Variants in ANKS1B observed in about 807,000 individuals in gnomAD.
ANKS1B encodes the protein ankyrin repeat and sterile alpha motif domain-containing protein 1B.
ANKS1B carries 36 observed loss-of-function variants against 148.3 expected under a neutral mutation model. The observed-to-expected ratio is 0.24, with a 90% CI of 0.19 to 0.32. ANKS1B has a LOEUF of 0.32. Ranked by LOEUF, ANKS1B falls within the 10% of genes least tolerant of loss-of-function variation. The pLI is 1.00. For missense variants in ANKS1B, 1,157 were observed against 1,542.6 expected, an observed-to-expected ratio of 0.75 and a Z score of 4.19; for synonymous variants, 542 against 560.8, an observed-to-expected ratio of 0.97 and a Z score of 0.47.
intron 16 of ANKS1B, among the ~76,000 whole-genome samples, chr12:99,078,740 TA>T (rs1305237261): frequency 4.6e-5 from 7 of 150,820 alleles, no homozygotes; most frequent in African/African-American, 1.7e-4. Context: ...TTCTAAGATG[TA>T]CCCCACCCTG....
chr12:99,470,171 A>C (rs909571451), intron 10 of ANKS1B, among the ~76,000 whole-genome samples: 3 of 151,918 alleles, frequency 2.0e-5, no homozygotes, highest in South Asian at 4.1e-4. Flanking sequence ...AATATTAATA[A>C]AATTTCCTAA....
chr12:98,894,984 T>TGGCGGCAGCGGC (rs1555478773), intron 17 of ANKS1B: 28 of 780,130 alleles, frequency 3.6e-5, no homozygotes, highest in Middle Eastern at 6.1e-4. Context: ...GCGCCTGCCC[T>TGGCGGCAGCGGC]GGCGGCAGCG....
chr12:98,901,547 T>C (rs1478416458), intron 17 of ANKS1B, among the ~76,000 whole-genome samples: 1 of 152,252 alleles, frequency 6.6e-6, no homozygotes, highest in Non-Finnish European at 1.5e-5. Flanking sequence ...ACAGGAGCAC[T>C]ATAAATATGG....
intron 8 of ANKS1B, among the ~76,000 whole-genome samples, chr12:99,765,734 T>A (rs533650907): frequency 6.6e-6 from 1 of 152,328 alleles, no homozygotes; most frequent in African/African-American, 2.4e-5. Flanking sequence ...CGTTGACATT[T>A]TGTGACTATT....
At chr12:99,850,088 G>A (rs1391094612) in intron 1 of ANKS1B, among the ~76,000 whole-genome samples, 1 of 152,114 alleles carries the variant, frequency 6.6e-6, no homozygotes, top group Non-Finnish European at 1.5e-5. Context: ...AGCAGGAATG[G>A]AGATTTCATT....
At position 99,795,930 on chromosome 12, in the gene ANKS1B, T is replaced by G. The variant is rs909730792; in HGVS notation, c.669+10474A>C. On this transcript the variant is annotated intron_variant, in intron 4 of 26. Coordinates refer to ENST00000683438, the MANE Select transcript of ANKS1B (RefSeq NM_001352186.2). Reference sequence around the variant, plus strand: ...CTTTTTCTTTCTTCTCAACTTCAGATAGAGGATTCATTCTTACCATAGATC... The same window carrying G: ...CTTTTTCTTTCTTCTCAACTTCAGAGAGAGGATTCATTCTTACCATAGATC... Among the ~76,000 whole-genome samples the G allele has an allele frequency of 3.3e-5, 5 of 152,038 alleles. 1 individual carries two copies. In the South Asian group the frequency reaches 1.0e-3, roughly 31 times the overall value.
chr12:99,120,170 A>C (rs1415591740), intron 15 of ANKS1B, among the ~76,000 whole-genome samples: 1 of 152,178 alleles, frequency 6.6e-6, no homozygotes, highest in Non-Finnish European at 1.5e-5. Flanking sequence ...AGACTTGCCA[A>C]TTCACCTAGC....
At position 99,053,161 on chromosome 12, in the gene ANKS1B, A is replaced by G. The variant is rs756176272; in HGVS notation, c.2774T>C (p.Ile925Thr). The G allele has an allele frequency of 1.1e-5, 18 of 1,605,348 alleles. No homozygotes were observed. The Admixed American group carries it at 2.2e-4, about 20-fold the overall frequency. ...GTCACTAAGAGACCAACTTACATTA[A>G]TAAGTTCAACCTCCCAGATTTTTTT... The part of the protein sequence containing the change: ...LLKKIWEVEL[I>T]NVLKINLIGH... Residue 925 changes from isoleucine to threonine, a missense_variant, in exon 17 of 27, where the codon ATT (isoleucine) becomes ACT (threonine). Physicochemically the swap from Ile to Thr is moderately conservative, Grantham distance 89. Coordinates refer to ENST00000683438, the MANE Select transcript of ANKS1B (RefSeq NM_001352186.2).
intron 1 of ANKS1B, among the ~76,000 whole-genome samples, chr12:99,979,597 T>C (rs2095669016): frequency 6.6e-6 from 1 of 151,962 alleles, no homozygotes; most frequent in Non-Finnish European, 1.5e-5. Flanking sequence ...CCCAGAAGAA[T>C]TAGATGCAAG....
chr12:99,215,840 T>C (rs1041901686), intron 14 of ANKS1B, among the ~76,000 whole-genome samples: 4 of 152,152 alleles, frequency 2.6e-5, no homozygotes, highest in African/African-American at 9.6e-5. Context: ...ACTGTGGACT[T>C]TTGAGTTAAT....
At position 99,046,615 on chromosome 12, in the gene ANKS1B, C is replaced by T. The variant is rs188941044; in HGVS notation, c.2778+6542G>A. On this transcript the variant is annotated intron_variant, in intron 17 of 26. Transcript: ENST00000683438. ...GAGATGGAGACCATCCTGGCTAACA[C>T]GCTGAAACCCCGTCTCTACTAAAAA... is the stretch of plus-strand genomic sequence containing the variant. Among the ~76,000 whole-genome samples, 215 of 151,884 alleles carry T rather than the reference C, an allele frequency of 1.4e-3. 1 individual carries two copies. The highest frequency in any genetic ancestry group is 2.3e-3 in the Non-Finnish European group (157 of 67,914).
intron 15 of ANKS1B, among the ~76,000 whole-genome samples, chr12:99,088,407 T>C (rs1364812317): frequency 6.6e-6 from 1 of 152,204 alleles, no homozygotes; most frequent in Non-Finnish European, 1.5e-5. Flanking sequence ...AGTTTCAAAA[T>C]GCTATGATTT....
intron 25 of ANKS1B, among the ~76,000 whole-genome samples, chr12:98,758,925 C>G (rs1361877008): frequency 2.0e-5 from 3 of 150,106 alleles, no homozygotes; most frequent in Admixed American, 6.6e-5. Flanking sequence ...GGATTATAGG[C>G]GTGCACGCCT....
At chr12:99,242,731 T>C (rs182550247) in intron 14 of ANKS1B, among the ~76,000 whole-genome samples, 207 of 152,220 alleles carry the variant, frequency 1.4e-3, no homozygotes, top group African/African-American at 4.9e-3. Context: ...GCCTCAGATA[T>C]AACAACACAC....
intron 12 of ANKS1B, among the ~76,000 whole-genome samples, chr12:99,379,333 G>C (rs908840957): frequency 6.6e-6 from 1 of 152,152 alleles, no homozygotes; most frequent in African/African-American, 2.4e-5. Context: ...ATCAAATCAT[G>C]GCTCCACTCA....
chr12:99,063,025 G>T (rs1256501453), intron 16 of ANKS1B, among the ~76,000 whole-genome samples: 1 of 152,146 alleles, frequency 6.6e-6, no homozygotes, highest in Non-Finnish European at 1.5e-5. Flanking sequence ...AGGTCCTCAC[G>T]TGGGCAAGAG....
At chr12:99,515,122 A>G (rs1244174606) in intron 9 of ANKS1B, among the ~76,000 whole-genome samples, 2 of 152,054 alleles carry the variant, frequency 1.3e-5, no homozygotes, top group African/African-American at 4.8e-5. Context: ...TAATTACATC[A>G]TGGAAAATGG....
At chr12:99,327,580 C>T (rs1394487594) in intron 12 of ANKS1B, among the ~76,000 whole-genome samples, 2 of 147,044 alleles carry the variant, frequency 1.4e-5, no homozygotes, top group Admixed American at 7.0e-5. Flanking sequence ...GGACATATCC[C>T]CATTATTAAG....
At chr12:99,200,837 C>T (rs1442167255) in intron 14 of ANKS1B, among the ~76,000 whole-genome samples, 1 of 152,190 alleles carries the variant, frequency 6.6e-6, no homozygotes, top group Non-Finnish European at 1.5e-5. Context: ...CCTATGCACT[C>T]AACAAGAATT....
Sources: gnomAD v4.1 joint callset for allele counts (sites outside exome capture counted in the v4.1 genomes callset) on GRCh38, gnomAD v4.1.1 for gene constraint, MANE v1.5 for transcripts, NCBI Gene and HGNC (gene_info 2026-07-23, HGNC 2026-07-21) for gene names.